Variants in ERBIN observed in about 807,000 individuals in gnomAD.
ERBIN encodes erbb2 interacting protein, also known as densin-180-like protein.
A neutral mutation model predicts 158.4 loss-of-function variants in ERBIN; 60 were observed. That is an observed-to-expected ratio of 0.38 (90% CI 0.31 to 0.47). ERBIN has a LOEUF of 0.47. Among genes scored for constraint, ERBIN ranks in the 20% least tolerant of loss-of-function variants. ERBIN has a pLI of 0.99. For missense variants in ERBIN, 1,610 were observed against 1,648.0 expected, an observed-to-expected ratio of 0.98 and a Z score of 0.40; for synonymous variants, 594 against 557.2, an observed-to-expected ratio of 1.07 and a Z score of -0.93.
In ERBIN at chr5:66,076,856, A is replaced by G; in HGVS notation, c.4057-19A>G. ...TATACATACTGTTTTTAGTTAAATA[A>G]TTTTTTTTGTTGTTAAAGGGTATAT... On this transcript the variant is annotated intron_variant, in intron 24 of 25. Transcript: ENST00000284037. 1 of 1,570,910 alleles carries G rather than the reference A, an allele frequency of 6.4e-7. No homozygotes were observed. Among genetic ancestry groups the G allele is most frequent in the Non-Finnish European group, 8.7e-7 (1 of 1,148,210 alleles).
chr5:65,993,327 A>G (rs1001040413), intron 3 of ERBIN, among the ~76,000 whole-genome samples: 2 of 152,208 alleles, frequency 1.3e-5, no homozygotes, highest in African/African-American at 4.8e-5. Flanking sequence ...ATTGTTAAAC[A>G]GCTTTTCTTG....
At chr5:65,983,698 T>G (rs1750893621) in intron 1 of ERBIN, among the ~76,000 whole-genome samples, 1 of 152,228 alleles carries the variant, frequency 6.6e-6, no homozygotes, top group African/African-American at 2.4e-5. Flanking sequence ...AAGATTGCTC[T>G]TAAATCCAGC....
intron 1 of ERBIN, among the ~76,000 whole-genome samples, chr5:65,985,002 G>A (rs1056676650): frequency 6.6e-6 from 1 of 152,156 alleles, no homozygotes; most frequent in Non-Finnish European, 1.5e-5. Flanking sequence ...GATGGGGAAG[G>A]CTAAATAATA....
chr5:66,006,851 C>T (rs1753658861), intron 4 of ERBIN, among the ~76,000 whole-genome samples: 1 of 151,990 alleles, frequency 6.6e-6, no homozygotes, highest in African/African-American at 2.4e-5. Context: ...TACCATCTCA[C>T]ACCAGTTAGA....
Position 65,992,923 on chromosome 5 carries a change from C to G in ERBIN, c.189+16C>G, listed in dbSNP as rs1357577471. On this transcript the variant is annotated intron_variant, in intron 3 of 25. Coordinates refer to ENST00000284037, the MANE Select transcript of ERBIN (RefSeq NM_001253697.2). ...GCTTCCAAAGGTATGCTAATACTTT[C>G]TTTCAAGAATTATCTTTGGTTATTT... The G allele has an allele frequency of 6.6e-7, 1 of 1,506,742 alleles. No homozygotes were observed. Among genetic ancestry groups the G allele is most frequent in the African/African-American group, 1.4e-5 (1 of 70,994 alleles). 93.3% of individuals were successfully genotyped at this position (1,506,742 alleles called of 1,614,324 possible). A position where few individuals can be genotyped will look rare whatever the true frequency, so the allele number is the denominator to read the frequency against.
chr5:65,988,496 CTG>C (rs1751511844), intron 1 of ERBIN, 137 bp from the exon 2 acceptor site: 2 of 151,922 alleles, frequency 1.3e-5, no homozygotes, highest in Admixed American at 6.6e-5. Flanking sequence ...TTGGTCTTAA[CTG>C]TTTTCAGTTT....
intron 1 of ERBIN, among the ~76,000 whole-genome samples, chr5:65,980,834 A>T (rs917024775): frequency 2.0e-5 from 3 of 152,234 alleles, no homozygotes; most frequent in Non-Finnish European, 2.9e-5. Flanking sequence ...AATATAAAAG[A>T]ATAGACAAAT....
chr5:66,008,353 A>G (rs1188133886), intron 4 of ERBIN, among the ~76,000 whole-genome samples: 1 of 152,168 alleles, frequency 6.6e-6, no homozygotes, highest in African/African-American at 2.4e-5. Flanking sequence ...CGGGAGGCGG[A>G]GCTTGCAGTG....
intron 17 of ERBIN, among the ~76,000 whole-genome samples, chr5:66,044,765 A>C (rs1426667513): frequency 2.0e-5 from 3 of 151,840 alleles, no homozygotes. Context: ...ACTCTGTCTC[A>C]AAAACAAAAA....
At position 66,075,023 on chromosome 5, in the gene ERBIN, G is replaced by C; in HGVS notation, c.3757-1G>C. The C allele has an allele frequency of 6.2e-7, 1 of 1,613,710 alleles. No individual in the cohort carries two copies. Among genetic ancestry groups the C allele is most frequent in the Non-Finnish European group, 8.5e-7 (1 of 1,179,732 alleles). On this transcript the variant is annotated splice_acceptor_variant, in intron 22 of 25. Coordinates refer to ENST00000284037, the MANE Select transcript of ERBIN (RefSeq NM_001253697.2). LOFTEE classifies it high-confidence loss of function. ...TTTAAGATACTTCATGTTTTTCTTA[G>C]ATGCCTTTGAGTAATGGACAGATGG...
At chr5:65,974,322 C>T (rs1028183664) in intron 1 of ERBIN, among the ~76,000 whole-genome samples, 17 of 152,188 alleles carry the variant, frequency 1.1e-4, no homozygotes, top group Non-Finnish European at 2.1e-4. Flanking sequence ...TTAAACTTTG[C>T]GTCTAAGACT....
At chr5:66,061,116 T>C (rs1464268719) in intron 21 of ERBIN, among the ~76,000 whole-genome samples, 1 of 152,122 alleles carries the variant, frequency 6.6e-6, no homozygotes, top group Non-Finnish European at 1.5e-5. Flanking sequence ...CTTTCTGTCT[T>C]GTTGATCTGT....
At chr5:65,979,766 T>A (rs1750445530) in intron 1 of ERBIN, among the ~76,000 whole-genome samples, 1 of 152,188 alleles carries the variant, frequency 6.6e-6, no homozygotes, top group Non-Finnish European at 1.5e-5. Context: ...AAGGAAATGG[T>A]AAATGTGTGA....
intron 21 of ERBIN, among the ~76,000 whole-genome samples, chr5:66,057,553 CT>C (rs375788244): frequency 0.011 from 1,678 of 151,798 alleles, 27 homozygotes; most frequent in Middle Eastern, 0.065. Flanking sequence ...AAGATTAAGG[CT>C]TTTTTTATTA....
chr5:65,965,382 G>GTTGTTTTTTTTTTTTTTTTT (rs1748463429), intron 1 of ERBIN, among the ~76,000 whole-genome samples: 1 of 96,070 alleles, frequency 1.0e-5, no homozygotes, highest in Non-Finnish European at 2.1e-5. Context: ...GTTTTTTGTT[G>GTTGTTTTTTTTTTTTTTTTT]TTTTTTTTTT....
At chr5:66,030,491 C>T (rs951720783) in intron 14 of ERBIN, among the ~76,000 whole-genome samples, 1 of 151,606 alleles carries the variant, frequency 6.6e-6, no homozygotes, top group Non-Finnish European at 1.5e-5. Context: ...CATTTACTAA[C>T]TTCACAATGA....
chr5:66,020,959 G>A (rs1407926017), intron 7 of ERBIN, among the ~76,000 whole-genome samples: 1 of 151,752 alleles, frequency 6.6e-6, no homozygotes, highest in Non-Finnish European at 1.5e-5. Flanking sequence ...TGTAATTATG[G>A]TAGTAATTAT....
intron 1 of ERBIN, among the ~76,000 whole-genome samples, chr5:65,965,378 T>G (rs1748452889): frequency 7.9e-6 from 1 of 126,752 alleles, no homozygotes; most frequent in African/African-American, 3.7e-5. Context: ...ATTTGTTTTT[T>G]GTTGTTTTTT....
chr5:66,054,454 C>T lies in ERBIN; in HGVS notation c.3136C>T (p.Gln1046Ter). Residue 1046 changes from glutamine to a stop codon, truncating the protein, a stop_gained, in exon 21 of 26, where the codon CAG becomes TAG. Transcript: ENST00000284037. LOFTEE classifies it high-confidence loss of function. Reference protein sequence around the residue: ...VRANTAYHLHQRLGPARHGEM... With the variant: ...VRANTAYHLH ...AGCTAATACTGCATACCATTTACAT[C>T]AGAGACTTGGCCCAGCAAGACATGG... 6.2e-7 allele frequency: 1 copy of T among 1,614,142 alleles called. No homozygotes were observed. The highest frequency in any genetic ancestry group is 8.5e-7 in the Non-Finnish European group (1 of 1,180,016).
Sources: allele counts gnomAD v4.1 joint callset (sites outside exome capture counted in the v4.1 genomes callset), GRCh38; gene constraint gnomAD v4.1.1; transcripts MANE v1.5; gene names NCBI Gene and HGNC (gene_info 2026-07-23, HGNC 2026-07-21).